CSNK2A1: variants seen among roughly 807,000 people sequenced by gnomAD.
CSNK2A1 encodes casein kinase II subunit alpha.
In CSNK2A1, 10 loss-of-function variants were observed where a neutral mutation model predicts 62.9. The observed-to-expected ratio is 0.16, with a 90% CI of 0.10 to 0.27. The LOEUF (loss-of-function observed/expected upper bound fraction) is 0.27, where lower values mean the gene tolerates loss of function less well. Ranked by LOEUF, CSNK2A1 falls within the 10% of genes least tolerant of loss-of-function variation. The pLI, the probability that CSNK2A1 is intolerant of heterozygous loss-of-function variation, is 1.00. For missense variants in CSNK2A1, 160 were observed against 492.0 expected, an observed-to-expected ratio of 0.33 and a Z score of 6.38; for synonymous variants, 124 against 167.8, an observed-to-expected ratio of 0.74 and a Z score of 2.02.
intron 1 of CSNK2A1, among the ~76,000 whole-genome samples, chr20:528,927 G>C (rs2019153802): frequency 6.6e-6 from 1 of 152,208 alleles, no homozygotes; most frequent in African/African-American, 2.4e-5. Flanking sequence ...ACTGTAAACT[G>C]GTGACCACAA....
chr20:485,009 G>A (rs186715372), intron 13 of CSNK2A1, among the ~76,000 whole-genome samples: 118 of 133,578 alleles, frequency 8.8e-4, no homozygotes, highest in Middle Eastern at 4.3e-3. Context: ...GGAGGCTGCA[G>A]CAGCTGAGAT....
chr20:505,453 G>A (rs1477296415), intron 3 of CSNK2A1, among the ~76,000 whole-genome samples: 6 of 134,080 alleles, frequency 4.5e-5, no homozygotes, highest in African/African-American at 1.4e-4. Context: ...TCCACCTCCC[G>A]GGTTCACACC....
intron 7 of CSNK2A1, 84 bp downstream of exon 7, chr20:497,637 T>C (rs1183304282): frequency 8.5e-7 from 1 of 1,174,484 alleles, no homozygotes; most frequent in Non-Finnish European, 1.2e-6. Flanking sequence ...ACAAAGTTAA[T>C]CTGCTGGCTT....
Position 525,384 on chromosome 20 carries a change from G to T in CSNK2A1, c.-110+2549C>A, listed in dbSNP as rs1183630584. 6.6e-5 allele frequency among the ~76,000 whole-genome samples: 10 copies of T among 151,962 alleles called. No homozygotes were observed. In the South Asian group the frequency reaches 1.9e-3, roughly 28 times the overall value. On this transcript the variant is annotated intron_variant, in intron 2 of 13. Transcript: ENST00000217244. The stretch of plus-strand genomic sequence containing the variant: ...ATTTTAAAAATCGGCTGGGCGCAGT[G>T]GCTCACGCCTGTAATCCCAGCACTG...
At chr20:518,672 G>A (rs538063146) in intron 2 of CSNK2A1, among the ~76,000 whole-genome samples, 7 of 150,032 alleles carry the variant, frequency 4.7e-5, no homozygotes, top group East Asian at 1.9e-4. Flanking sequence ...TCAGCCTCCC[G>A]AGTAGCTGGG....
In CSNK2A1 at chr20:489,889, A is replaced by G. The variant is rs372780940; in HGVS notation, c.622-8T>C. The stretch of plus-strand genomic sequence containing the variant: ...CAAACTATAATCGTACATCTGCATA[A>G]AAGTAAACTCACTGTTATTATCTGT... On this transcript the variant is annotated splice_polypyrimidine_tract_variant and splice_region_variant and intron_variant, in intron 9 of 13. Transcript: ENST00000217244. 63 of 1,592,040 alleles carry G rather than the reference A, an allele frequency of 4.0e-5. No homozygotes were observed. The highest frequency in any genetic ancestry group is 4.1e-5 in the Non-Finnish European group (48 of 1,162,854).
Position 489,851 on chromosome 20 carries a change from A to G in CSNK2A1, c.652T>C (p.Leu218=). ...ATCATACTTGCCAGCATACAACCCA[A>G]ACTCCACATATCCAAACTATAATCG... is the stretch of plus-strand genomic sequence containing the variant. The part of the protein sequence containing the change: ...MYDYSLDMWS[L]GCMLASMIFR... Residue 218 remains leucine (L), a synonymous_variant, in exon 10 of 14, where the codon TTG becomes CTG. Transcript: ENST00000217244. 6.2e-7 allele frequency: 1 copy of G among 1,613,154 alleles called. No individual in the cohort carries two copies.
At chr20:519,181 G>A (rs568196978) in intron 2 of CSNK2A1, among the ~76,000 whole-genome samples, 86 of 151,402 alleles carry the variant, frequency 5.7e-4, no homozygotes, top group Non-Finnish European at 1.1e-3. Context: ...CAAGTGACCC[G>A]CCCATCTTGG....
intron 10 of CSNK2A1, chr20:489,099 C>T: frequency 3.8e-6 from 1 of 263,536 alleles, no homozygotes; most frequent in South Asian, 5.3e-5. Flanking sequence ...GTGCCTTGTC[C>T]ACATTTCTAC....
intron 4 of CSNK2A1, chr20:501,981 CACA>C: frequency 6.6e-6 from 1 of 152,298 alleles, no homozygotes; most frequent in East Asian, 1.9e-4. Flanking sequence ...AAGCCTCAAG[CACA>C]TGATAGCAGA....
chr20:526,964 A>T (rs1226886168), intron 2 of CSNK2A1: 1 of 147,820 alleles, frequency 6.8e-6, no homozygotes, highest in African/African-American at 2.6e-5. Flanking sequence ...AAAGAAAGAA[A>T]GAATGAGAGA....
At position 528,972 on chromosome 20, in the gene CSNK2A1, C is replaced by T. The variant is rs554780259; in HGVS notation, c.-226-923G>A. 2.6e-5 allele frequency among the ~76,000 whole-genome samples: 4 copies of T among 152,326 alleles called. No homozygotes were observed. The South Asian group carries it at 8.3e-4, about 32-fold the overall frequency. ...ACCCCCATACCCATGGTTTCAGTTA[C>T]CCGCAGTCAACTGCAGTCTGAAAAT... On this transcript the variant is annotated intron_variant, in intron 1 of 13. Coordinates refer to ENST00000217244, the MANE Select transcript of CSNK2A1 (RefSeq NM_177559.3).
Position 523,903 on chromosome 20 carries a change from C to G in CSNK2A1, c.-110+4030G>C, listed in dbSNP as rs114280731. On this transcript the variant is annotated intron_variant, in intron 2 of 13. Coordinates refer to ENST00000217244, the MANE Select transcript of CSNK2A1 (RefSeq NM_177559.3). The stretch of plus-strand genomic sequence containing the variant: ...AAAACTGTAGTAACTCAGAACAGAA[C>G]AGTGGTTGCTAGAGATTAGGGGTGG... 5.5e-3 allele frequency among the ~76,000 whole-genome samples: 719 copies of G among 131,328 alleles called. 5 individuals carry two copies. Among genetic ancestry groups the G allele is most frequent in the African/African-American group, 0.02 (680 of 34,298 alleles). The allele number at this position is 131,328 out of a possible 152,430, so 86.2% of individuals were successfully genotyped here.
intron 2 of CSNK2A1, among the ~76,000 whole-genome samples, chr20:521,586 T>C (rs1180508047): frequency 1.3e-5 from 2 of 152,214 alleles, no homozygotes; most frequent in African/African-American, 4.8e-5. Context: ...AACCCGTATC[T>C]ACACAAAAAC....
In CSNK2A1 at chr20:480,336, A is replaced by C. The variant is rs1175199539; in HGVS notation, c.*3625T>G. 2.8e-5 allele frequency: 4 copies of C among 145,448 alleles called. No individual in the cohort carries two copies. The East Asian group carries it at 7.7e-4, about 28-fold the overall frequency. The allele number at this position is 145,448 out of a possible 1,614,324, so 9.0% of individuals were successfully genotyped here. ...TGGAACTACAATTTATTAAGCACCTATTATTACAAGCCAAGTAGGGTGTTA... is the reference window on the plus strand; with the variant it reads ...TGGAACTACAATTTATTAAGCACCTCTTATTACAAGCCAAGTAGGGTGTTA... On this transcript the variant is annotated 3_prime_UTR_variant, in exon 14 of 14. Coordinates refer to ENST00000217244, the MANE Select transcript of CSNK2A1 (RefSeq NM_177559.3).
At chr20:502,664 A>T (rs1378668317) in intron 4 of CSNK2A1, 1 of 152,356 alleles carries the variant, frequency 6.6e-6, no homozygotes, top group East Asian at 1.9e-4. Flanking sequence ...AATCTTTCTA[A>T]ATCACCCTTC....
rs548044655 is a variant in CSNK2A1, at chr20:499,136, T to C, written c.366+119A>G. The C allele has an allele frequency of 1.2e-5, 10 of 801,800 alleles. No individual in the cohort carries two copies. The highest frequency in any genetic ancestry group is 1.2e-4 in the African/African-American group (7 of 56,508). The allele number at this position is 801,800 out of a possible 1,614,324, so 49.7% of individuals were successfully genotyped here. ...AGTTCTTCTATCTTAAAATTTGCAC[T>C]GTAAGGATGAAAAGCTTTTTAAAAA... On this transcript the variant is annotated intron_variant, in intron 6 of 13. Transcript: ENST00000217244. This position sits in a 1 kb window ranked among gnomAD's most constrained non-coding sequence, Gnocchi z 4.2.
intron 1 of CSNK2A1, among the ~76,000 whole-genome samples, chr20:534,589 A>G (rs954500758): frequency 2.0e-5 from 3 of 152,188 alleles, no homozygotes; most frequent in African/African-American, 4.8e-5. Flanking sequence ...AAAGTTTTGA[A>G]TATGTATGAA....
chr20:538,749 T>C (rs868246565), intron 1 of CSNK2A1, among the ~76,000 whole-genome samples: 1 of 152,074 alleles, frequency 6.6e-6, no homozygotes, highest in Non-Finnish European at 1.5e-5. Context: ...TTCACAAAAA[T>C]GTATCACCCA....
Sources: allele counts gnomAD v4.1 joint callset (sites outside exome capture counted in the v4.1 genomes callset), GRCh38; gene constraint gnomAD v4.1.1; non-coding constraint Gnocchi (gnomAD v3.1); transcripts MANE v1.5; gene names NCBI Gene and HGNC (gene_info 2026-07-23, HGNC 2026-07-21).